EYA1: variants seen among roughly 807,000 people sequenced by gnomAD.
EYA1 encodes the protein protein phosphatase EYA1.
EYA1 carries 16 observed loss-of-function variants against 82.0 expected under a neutral mutation model. That is an observed-to-expected ratio of 0.20 (90% CI 0.13 to 0.30). The LOEUF (loss-of-function observed/expected upper bound fraction) is 0.30, where lower values mean the gene tolerates loss of function less well. Among genes scored for constraint, EYA1 ranks in the 10% least tolerant of loss-of-function variants. EYA1 has a pLI of 1.00. For missense variants in EYA1, 633 were observed against 730.7 expected (o/e 0.87, Z 1.54); for synonymous variants, 261 against 264.4 (o/e 0.99, Z 0.12).
At chr8:71,204,273 C>T (rs980446279) in intron 17 of EYA1, 10 of 152,208 alleles carry the variant, frequency 6.6e-5, no homozygotes, top group African/African-American at 2.4e-4. Flanking sequence ...CATCCTTCCT[C>T]ATCTGATATT....
chr8:71,390,358 C>T (rs1287349140), intron 2 of EYA1, among the ~76,000 whole-genome samples: 1 of 151,714 alleles, frequency 6.6e-6, no homozygotes, highest in Non-Finnish European at 1.5e-5. Flanking sequence ...GAACTCCTGG[C>T]CTCAAGTGAT....
At chr8:71,277,695 A>C (rs1817361908) in intron 9 of EYA1, among the ~76,000 whole-genome samples, 1 of 152,228 alleles carries the variant, frequency 6.6e-6, no homozygotes, top group Admixed American at 6.5e-5. Context: ...CTGGGAAAAC[A>C]GAACACAGTG....
At chr8:71,412,370 A>C (rs1052896178) in intron 2 of EYA1, among the ~76,000 whole-genome samples, 4 of 149,944 alleles carry the variant, frequency 2.7e-5, no homozygotes, top group African/African-American at 9.8e-5. Context: ...CCTAAAACTT[A>C]AAGTATAATA....
At chr8:71,534,904 TAAA>T (rs35440740) in intron 2 of EYA1, among the ~76,000 whole-genome samples, 4 of 126,146 alleles carry the variant, frequency 3.2e-5, no homozygotes, top group Non-Finnish European at 1.7e-5. Context: ...AAATGAAAGC[TAAA>T]AAAAAAAAAA....
intron 1 of EYA1, chr8:71,535,966 C>G (rs1349297198): frequency 5.0e-6 from 2 of 401,476 alleles, no homozygotes; most frequent in African/African-American, 4.1e-5. Context: ...AGAACACTTA[C>G]CTTCACTGAA....
intron 9 of EYA1, among the ~76,000 whole-genome samples, chr8:71,280,862 C>T (rs1236956258): frequency 6.6e-6 from 1 of 152,152 alleles, no homozygotes; most frequent in Non-Finnish European, 1.5e-5. Flanking sequence ...GATCCTTCCA[C>T]CTTAGCCTCC....
intron 2 of EYA1, among the ~76,000 whole-genome samples, chr8:71,400,327 A>G (rs1269358229): frequency 6.6e-6 from 1 of 152,250 alleles, no homozygotes; most frequent in East Asian, 1.9e-4. Context: ...GCTTCTGCAC[A>G]GCAAAAGAAA....
chr8:71,261,411 G>A (rs1294853950), intron 11 of EYA1, among the ~76,000 whole-genome samples: 2 of 152,054 alleles, frequency 1.3e-5, no homozygotes, highest in African/African-American at 4.8e-5. Flanking sequence ...AGATTACCAA[G>A]AGAGACTGTA....
chr8:71,453,720 TGA>T (rs1807605005), intron 2 of EYA1, among the ~76,000 whole-genome samples: 1 of 152,188 alleles, frequency 6.6e-6, no homozygotes, highest in South Asian at 2.1e-4. Context: ...AAGCAAATGC[TGA>T]GAGACTTTGT....
chr8:71,327,380 A>C (rs552348229), intron 4 of EYA1, among the ~76,000 whole-genome samples: 7 of 152,364 alleles, frequency 4.6e-5, no homozygotes, highest in Admixed American at 3.9e-4. Flanking sequence ...TCAATTTTCA[A>C]ATATCACCAG....
chr8:71,438,683 G>A (rs954665535), intron 2 of EYA1, among the ~76,000 whole-genome samples: 2 of 152,088 alleles, frequency 1.3e-5, no homozygotes, highest in Admixed American at 6.6e-5. Flanking sequence ...AGGAAGGAGC[G>A]TCCAAGTGGA....
chr8:71,409,951 T>C (rs943106585), intron 2 of EYA1, among the ~76,000 whole-genome samples: 1 of 145,322 alleles, frequency 6.9e-6, no homozygotes, highest in Non-Finnish European at 1.5e-5. Context: ...ATATCCTTGA[T>C]GAACATTGAT....
chr8:71,456,111 T>A (rs1286895838), intron 2 of EYA1, among the ~76,000 whole-genome samples: 1 of 151,312 alleles, frequency 6.6e-6, no homozygotes, highest in Non-Finnish European at 1.5e-5. Context: ...TATACACCAA[T>A]AACAGACAAA....
At position 71,197,544 on chromosome 8, in the gene EYA1, C is replaced by CTT. The variant is rs1017546132; in HGVS notation, c.*1794_*1795dup. The CTT allele has an allele frequency of 6.6e-6, 1 of 152,532 alleles. No individual in the cohort carries two copies. Among genetic ancestry groups the CTT allele is most frequent in the South Asian group, 2.1e-4 (1 of 4,822 alleles). The allele number at this position is 152,532 out of a possible 1,614,324, so 9.4% of individuals were successfully genotyped here. A position where few individuals can be genotyped will look rare whatever the true frequency, so the allele number is the denominator to read the frequency against. On this transcript the variant is annotated 3_prime_UTR_variant, in exon 18 of 18. Transcript: ENST00000340726. The stretch of plus-strand genomic sequence containing the variant: ...CTTTATACAGTAAGGCCAAGATAAA[C>CTT]TTTGTCTTTTCAGTCTGCAGAGTAC...
chr8:71,352,627 ATTAAGT>A (rs1826418566), intron 3 of EYA1, among the ~76,000 whole-genome samples: 1 of 152,220 alleles, frequency 6.6e-6, no homozygotes, highest in African/African-American at 2.4e-5. Flanking sequence ...ACATAAAACA[ATTAAGT>A]TTAAGATAAA....
At chr8:71,409,947 T>C (rs1830489547) in intron 2 of EYA1, among the ~76,000 whole-genome samples, 2 of 143,850 alleles carry the variant, frequency 1.4e-5, no homozygotes, top group Admixed American at 1.4e-4. Context: ...ACCAATATCC[T>C]TGATGAACAT....
intron 2 of EYA1, among the ~76,000 whole-genome samples, chr8:71,514,456 T>C (rs1812819215): frequency 6.6e-6 from 1 of 152,186 alleles, no homozygotes; most frequent in African/African-American, 2.4e-5. Context: ...TACTATGTAT[T>C]AGTCTGTTTT....
rs1826695189 is a variant in EYA1 at position 71,354,843 on chromosome 8, A to C, written c.63T>G (p.Ser21Arg). ...SRLSGSSESP[S>R]GPKLGNSHIN... ...TATGAGAGTTACCGAGTTTGGGGCC[A>C]CTGGGGGATTCACTACTACCACTCA... Residue 21 changes from serine to arginine, a missense_variant, in exon 3 of 18, where the codon AGT (serine) becomes AGG (arginine). Transcript: ENST00000340726. 2 of 1,613,644 alleles carry C rather than the reference A, an allele frequency of 1.2e-6. No individual in the cohort carries two copies. The highest frequency in any genetic ancestry group is 2.2e-5 in the South Asian group (2 of 91,082).
At chr8:71,315,774 A>G (rs1821860741) in intron 7 of EYA1, among the ~76,000 whole-genome samples, 1 of 152,248 alleles carries the variant, frequency 6.6e-6, no homozygotes, top group African/African-American at 2.4e-5. Context: ...AAGGCTGCAT[A>G]AAAGTTTTGG....
Sources: gnomAD v4.1 joint callset for allele counts (sites outside exome capture counted in the v4.1 genomes callset) on GRCh38, gnomAD v4.1.1 for gene constraint, MANE v1.5 for transcripts, NCBI Gene and HGNC (gene_info 2026-07-23, HGNC 2026-07-21) for gene names.